CNOT6L: variants seen among roughly 807,000 people sequenced by gnomAD.
CNOT6L encodes the protein CCR4-NOT transcription complex subunit 6 like.
A neutral mutation model predicts 64.0 loss-of-function variants in CNOT6L; 7 were observed. The observed-to-expected ratio is 0.11, with a 90% CI of 0.06 to 0.21. The LOEUF is 0.21. Among genes scored for constraint, CNOT6L ranks in the 10% least tolerant of loss-of-function variants. The pLI is 1.00. For missense variants in CNOT6L, 245 were observed against 669.0 expected (o/e 0.37, Z 6.99); for synonymous variants, 193 against 243.4 (o/e 0.79, Z 1.93).
intron 9 of CNOT6L, among the ~76,000 whole-genome samples, chr4:77,730,437 G>A (rs1385835648): frequency 6.6e-6 from 1 of 151,850 alleles, no homozygotes; most frequent in Non-Finnish European, 1.5e-5. Context: ...ATGTATTTCA[G>A]AACGTAAAAG....
chr4:77,780,876 T>C (rs1728783817), intron 1 of CNOT6L, among the ~76,000 whole-genome samples: 1 of 152,138 alleles, frequency 6.6e-6, no homozygotes, highest in Non-Finnish European at 1.5e-5. Context: ...GGTGGAGGGA[T>C]CGCTTGCAGC....
chr4:77,720,750 G>A, intron 11 of CNOT6L, 107 bp from the exon 12 acceptor site: 1 of 1,094,680 alleles, frequency 9.1e-7, no homozygotes, highest in Non-Finnish European at 1.3e-6. Flanking sequence ...TCTGGTACCT[G>A]TTGTCTTGAT....
intron 8 of CNOT6L, among the ~76,000 whole-genome samples, chr4:77,739,259 A>G (rs1723318728): frequency 1.3e-5 from 2 of 152,202 alleles, no homozygotes; most frequent in Non-Finnish European, 2.9e-5. Flanking sequence ...ATCAGTGAAG[A>G]TGAGGAATTA....
At chr4:77,798,603 C>T (rs181415563) in intron 1 of CNOT6L, among the ~76,000 whole-genome samples, 21 of 152,026 alleles carry the variant, frequency 1.4e-4, no homozygotes, top group African/African-American at 4.6e-4. Context: ...TTTAAAAAAC[C>T]GAGCCAAGAA....
At chr4:77,815,333 T>G (rs1733443478) in intron 1 of CNOT6L, among the ~76,000 whole-genome samples, 1 of 152,178 alleles carries the variant, frequency 6.6e-6, no homozygotes, top group Non-Finnish European at 1.5e-5. Context: ...GGTTACAGAA[T>G]CCAACTGTAA....
At chr4:77,804,428 CAA>C (rs1185489525) in intron 1 of CNOT6L, among the ~76,000 whole-genome samples, 33 of 79,126 alleles carry the variant, frequency 4.2e-4, no homozygotes, top group Non-Finnish European at 3.9e-4. Context: ...GACCCCATCT[CAA>C]AAAAAAAAAA....
At chr4:77,809,655 C>G (rs1732678493) in intron 1 of CNOT6L, among the ~76,000 whole-genome samples, 1 of 152,092 alleles carries the variant, frequency 6.6e-6, no homozygotes. Flanking sequence ...GAGATTCCAA[C>G]AAAGTCTTTG....
intron 8 of CNOT6L, chr4:77,731,855 G>A (rs535158544): frequency 4.7e-6 from 1 of 212,674 alleles, no homozygotes; most frequent in South Asian, 1.5e-4. Context: ...TTCTAAAAAT[G>A]GGGAAGCAGC....
At chr4:77,762,764 C>A (rs1488332106) in intron 4 of CNOT6L, among the ~76,000 whole-genome samples, 1 of 152,034 alleles carries the variant, frequency 6.6e-6, no homozygotes, top group Non-Finnish European at 1.5e-5. Flanking sequence ...ATATGACATT[C>A]TGGAAAAGTA....
intron 11 of CNOT6L, among the ~76,000 whole-genome samples, chr4:77,725,386 T>G (rs559054838): frequency 3.9e-4 from 59 of 152,312 alleles, no homozygotes; most frequent in African/African-American, 1.4e-3. Flanking sequence ...AGTATAAGAT[T>G]CTACTATAGA....
intron 10 of CNOT6L, 120 bp downstream of exon 10, chr4:77,728,734 T>C: frequency 1.4e-6 from 1 of 734,950 alleles, no homozygotes; most frequent in Non-Finnish European, 2.4e-6. Context: ...TTGTGTCCCA[T>C]CCATGGAATT....
chr4:77,783,259 C>T (rs1423111863), intron 1 of CNOT6L, among the ~76,000 whole-genome samples: 1 of 150,244 alleles, frequency 6.7e-6, no homozygotes, highest in East Asian at 2.0e-4. Context: ...ACCAGTTTAA[C>T]ATTTATTCAA....
At chr4:77,819,763 G>T, upstream of CNOT6L, 1 of 152,256 alleles carries the variant, frequency 6.6e-6, no homozygotes, top group South Asian at 1.8e-4. Context: ...AGGGGATGCG[G>T]GGCGGGCGGG....
In CNOT6L at chr4:77,777,227, CT is replaced by C. The variant is rs35318828; in HGVS notation, c.6-836del. 1.4e-3 allele frequency among the ~76,000 whole-genome samples: 213 copies of C among 152,254 alleles called. 1 individual carries two copies. The highest frequency in any genetic ancestry group is 2.5e-3 in the Non-Finnish European group (172 of 68,028). ...TCTGAAGCAATTATTATTATCATCC[CT>C]TTTCATGCTCAAAAGAGTCCAATTT... On this transcript the variant is annotated intron_variant, in intron 1 of 11. Transcript: ENST00000504123.
At chr4:77,742,115 C>T (rs750935784) in intron 8 of CNOT6L, 26 bp downstream of exon 8, 1 of 1,596,640 alleles carries the variant, frequency 6.3e-7, no homozygotes, top group South Asian at 1.1e-5. Flanking sequence ...AAAAGTACAC[C>T]ATTGTGCTTT....
chr4:77,753,005 C>A lies in CNOT6L; in HGVS notation c.490+3857G>T, dbSNP rs1725014747. Among the ~76,000 whole-genome samples the A allele has an allele frequency of 2.6e-5, 4 of 151,674 alleles. No individual in the cohort carries two copies. The South Asian group carries it at 8.3e-4, about 32-fold the overall frequency. ...ATGGAAAAAAGACATCACTACACAA[C>A]CTATGGATATTAAGACATCATAAAA... On this transcript the variant is annotated intron_variant, in intron 5 of 11. Coordinates refer to ENST00000504123, the MANE Select transcript of CNOT6L (RefSeq NM_144571.3).
At chr4:77,765,747 T>C (rs1403726591) in intron 4 of CNOT6L, among the ~76,000 whole-genome samples, 2 of 152,312 alleles carry the variant, frequency 1.3e-5, no homozygotes, top group East Asian at 3.9e-4. Context: ...TGTCTCTTGA[T>C]ACTGAGTAAT....
At chr4:77,766,624 G>T (rs891410994) in intron 4 of CNOT6L, among the ~76,000 whole-genome samples, 1 of 151,186 alleles carries the variant, frequency 6.6e-6, no homozygotes, top group Admixed American at 6.6e-5. Flanking sequence ...CAAGTTTTTA[G>T]AAGAATGAGA....
At chr4:77,776,422 T>A (rs775812425) in intron 1 of CNOT6L, 30 bp from the exon 2 acceptor site, 72 of 1,448,890 alleles carry the variant, frequency 5.0e-5, no homozygotes, top group Non-Finnish European at 6.3e-5. Context: ...AGGAGATCAA[T>A]AATTATTATA....
Sources: gnomAD v4.1 joint callset for allele counts (sites outside exome capture counted in the v4.1 genomes callset) on GRCh38, gnomAD v4.1.1 for gene constraint, MANE v1.5 for transcripts, NCBI Gene and HGNC (gene_info 2026-07-23, HGNC 2026-07-21) for gene names.